The following SND1 variants were observed in gnomAD, a reference collection of about 807,000 sequenced individuals.
SND1 encodes staphylococcal nuclease domain-containing protein 1.
A neutral mutation model predicts 121.7 loss-of-function variants in SND1; 38 were observed. The observed-to-expected ratio is 0.31, with a 90% CI of 0.24 to 0.41. The LOEUF (loss-of-function observed/expected upper bound fraction) is 0.41. SND1 is among the 10% of genes least tolerant of loss of function. The pLI is 1.00. For missense variants in SND1, 868 were observed against 1,184.6 expected, an observed-to-expected ratio of 0.73 and a Z score of 3.92; for synonymous variants, 401 against 447.4, an observed-to-expected ratio of 0.90 and a Z score of 1.31.
At chr7:127,818,890 G>C (rs1798496371) in intron 11 of SND1, among the ~76,000 whole-genome samples, 1 of 152,262 alleles carries the variant, frequency 6.6e-6, no homozygotes, top group Non-Finnish European at 1.5e-5. Flanking sequence ...TTGATTAGAA[G>C]TTTAGGTGAC....
At chr7:128,005,443 C>T (rs1402313461) in intron 16 of SND1, among the ~76,000 whole-genome samples, 3 of 152,326 alleles carry the variant, frequency 2.0e-5, no homozygotes, top group African/African-American at 7.2e-5. Context: ...TCACCCGCCC[C>T]CTTGTGTTTC....
intron 1 of SND1, among the ~76,000 whole-genome samples, chr7:127,664,023 T>C (rs1213012769): frequency 1.3e-5 from 2 of 152,222 alleles, no homozygotes; most frequent in Non-Finnish European, 2.9e-5. Context: ...CCTAAAACTC[T>C]AGTCATTTCT....
intron 16 of SND1, among the ~76,000 whole-genome samples, chr7:128,037,359 A>G (rs1792769287): frequency 6.6e-6 from 1 of 152,028 alleles, no homozygotes; most frequent in African/African-American, 2.4e-5. Context: ...CCTCTTTGTG[A>G]CTTATAAGGA....
At chr7:127,813,855 G>T (rs376906503) in intron 11 of SND1, among the ~76,000 whole-genome samples, 10 of 152,082 alleles carry the variant, frequency 6.6e-5, no homozygotes, top group African/African-American at 2.2e-4. Flanking sequence ...AAGCCACCAC[G>T]CTCGGCCTTG....
intron 10 of SND1, among the ~76,000 whole-genome samples, chr7:127,789,646 A>T (rs989416554): frequency 6.6e-6 from 1 of 152,218 alleles, no homozygotes; most frequent in East Asian, 1.9e-4. Flanking sequence ...AAAGGCATGC[A>T]GGTTGGTTTT....
intron 14 of SND1, among the ~76,000 whole-genome samples, chr7:127,918,436 G>T (rs1295207916): frequency 6.6e-6 from 1 of 151,992 alleles, no homozygotes; most frequent in Non-Finnish European, 1.5e-5. Context: ...CAAAGTTTCT[G>T]TTTTTAAATG....
intron 12 of SND1, among the ~76,000 whole-genome samples, chr7:127,860,500 C>G (rs993429982): frequency 6.6e-6 from 1 of 152,146 alleles, no homozygotes; most frequent in Non-Finnish European, 1.5e-5. Context: ...AATTCAGTGG[C>G]CTGATTGCCA....
intron 17 of SND1, among the ~76,000 whole-genome samples, chr7:128,078,562 T>TCCC (rs975562773): frequency 6.6e-6 from 1 of 152,072 alleles, no homozygotes; most frequent in African/African-American, 2.4e-5. Context: ...CTGAGGGCCA[T>TCCC]CCCCAAGGCT....
rs906782555 is a variant in SND1 at position 127,828,341 on chromosome 7, T to A, written c.1243-15983T>A. On this transcript the variant is annotated intron_variant, in intron 11 of 23. Coordinates refer to ENST00000354725, the MANE Select transcript of SND1 (RefSeq NM_014390.4). ...CCTATACCTTCTGGTTGTTCTGATA[T>A]ATATATATCAGAATATATATACATA... Among the ~76,000 whole-genome samples, 12 of 152,202 alleles carry A rather than the reference T, an allele frequency of 7.9e-5. No individual in the cohort carries two copies. The Middle Eastern group carries it at 0.01, about 129-fold the overall frequency.
chr7:127,739,624 A>G (rs1229931301), intron 10 of SND1, among the ~76,000 whole-genome samples: 1 of 152,210 alleles, frequency 6.6e-6, no homozygotes, highest in Non-Finnish European at 1.5e-5. Flanking sequence ...AACTCATTTT[A>G]GGGCATATGG....
At chr7:127,820,612 CT>C (rs1798530769) in intron 11 of SND1, among the ~76,000 whole-genome samples, 1 of 152,130 alleles carries the variant, frequency 6.6e-6, no homozygotes, top group Non-Finnish European at 1.5e-5. Context: ...AATTGATAGT[CT>C]TTTTTACGTC....
intron 10 of SND1, among the ~76,000 whole-genome samples, chr7:127,806,304 C>A (rs1244521222): frequency 6.6e-6 from 1 of 152,166 alleles, no homozygotes; most frequent in African/African-American, 2.4e-5. Context: ...AAGTGGTTCT[C>A]ATCATCTCTC....
At chr7:127,857,394 G>A (rs1414883526) in intron 12 of SND1, among the ~76,000 whole-genome samples, 1 of 147,858 alleles carries the variant, frequency 6.8e-6, no homozygotes, top group Non-Finnish European at 1.5e-5. Context: ...AAGCAGAGAC[G>A]GGGTTTCACC....
intron 7 of SND1, 93 bp downstream of exon 7, chr7:127,703,416 C>T (rs1796137758): frequency 2.8e-6 from 4 of 1,438,872 alleles, no homozygotes; most frequent in Admixed American, 2.0e-5. Context: ...CTGTATTTAA[C>T]ATCCATTAAG....
chr7:127,956,884 T>C (rs900468749), intron 15 of SND1, among the ~76,000 whole-genome samples: 2 of 152,144 alleles, frequency 1.3e-5, no homozygotes, highest in Non-Finnish European at 2.9e-5. Context: ...TACTATCTTT[T>C]CCCCCTCTTC....
At chr7:127,747,829 C>T (rs1239678834) in intron 10 of SND1, among the ~76,000 whole-genome samples, 2 of 152,202 alleles carry the variant, frequency 1.3e-5, no homozygotes, top group African/African-American at 2.4e-5. Context: ...TGGGTTTTCT[C>T]TCCCTCCTTT....
chr7:128,005,274 T>C (rs1256628200), intron 16 of SND1, among the ~76,000 whole-genome samples: 1 of 152,202 alleles, frequency 6.6e-6, no homozygotes, highest in Non-Finnish European at 1.5e-5. Context: ...TAGCCAGCCC[T>C]TCAGCCCTTC....
chr7:127,795,116 C>T (rs1797991429), intron 10 of SND1, among the ~76,000 whole-genome samples: 1 of 152,152 alleles, frequency 6.6e-6, no homozygotes, highest in Non-Finnish European at 1.5e-5. Context: ...ATTCATGTTT[C>T]TAGTTGATCT....
At chr7:127,738,188 C>G (rs1796812879) in intron 10 of SND1, among the ~76,000 whole-genome samples, 1 of 152,086 alleles carries the variant, frequency 6.6e-6, no homozygotes. Context: ...CCTCCCACCC[C>G]CAAGGACTGG....
Sources: allele counts gnomAD v4.1 joint callset (sites outside exome capture counted in the v4.1 genomes callset), GRCh38; gene constraint gnomAD v4.1.1; transcripts MANE v1.5; gene names NCBI Gene and HGNC (gene_info 2026-07-23, HGNC 2026-07-21).